The following NALF1 variants were observed in gnomAD, a reference collection of about 807,000 sequenced individuals.
NALF1 encodes the protein NALCN channel auxiliary factor 1, also known as family with sequence similarity 155 member A.
A neutral mutation model predicts 48.4 loss-of-function variants in NALF1; 3 were observed. The ratio of observed to expected loss-of-function variants is 0.06; its 90% CI spans 0.03 to 0.16. The LOEUF is 0.16. Ranked by LOEUF, NALF1 falls within the 10% of genes least tolerant of loss-of-function variation. The pLI is 1.00. For synonymous variants in NALF1, 262 were observed against 245.7 expected, an observed-to-expected ratio of 1.07 and a Z score of -0.62; for missense variants, 526 against 571.5, an observed-to-expected ratio of 0.92 and a Z score of 0.81.
intron 1 of NALF1, among the ~76,000 whole-genome samples, chr13:107,501,588 C>T (rs1594097467): frequency 6.6e-6 from 1 of 152,122 alleles, no homozygotes; most frequent in South Asian, 2.1e-4. Flanking sequence ...AATGTCCTCA[C>T]ACAATTTTAA....
chr13:107,539,264 A>C (rs1381753240), intron 1 of NALF1, among the ~76,000 whole-genome samples: 1 of 151,982 alleles, frequency 6.6e-6, no homozygotes, highest in African/African-American at 2.4e-5. Flanking sequence ...GGGTCATCCC[A>C]TGACAGAAGG....
rs116528955 is a variant in NALF1 at position 107,505,897 on chromosome 13, G to A, written c.916-295142C>T. 6.3e-3 allele frequency among the ~76,000 whole-genome samples: 962 copies of A among 152,172 alleles called. 15 individuals carry two copies. The highest frequency in any genetic ancestry group is 0.022 in the African/African-American group (924 of 41,544). ...TTTCCCACTATATTAAAAACTCGGT[G>A]GAGAGAGAACATCATCGGCAGAGTG... On this transcript the variant is annotated intron_variant, in intron 1 of 2. Transcript: ENST00000375915.
At chr13:107,698,538 T>C (rs1353466159) in intron 1 of NALF1, among the ~76,000 whole-genome samples, 1 of 152,150 alleles carries the variant, frequency 6.6e-6, no homozygotes, top group Non-Finnish European at 1.5e-5. Flanking sequence ...TTGCATTATA[T>C]ATAGATTTAC....
chr13:107,271,843 T>C (rs1881183480), intron 1 of NALF1, among the ~76,000 whole-genome samples: 1 of 146,308 alleles, frequency 6.8e-6, no homozygotes, highest in East Asian at 2.0e-4. Flanking sequence ...TACAAATATC[T>C]CACACTCCAA....
chr13:107,641,936 A>C (rs1288477626), intron 1 of NALF1, among the ~76,000 whole-genome samples: 1 of 152,160 alleles, frequency 6.6e-6, no homozygotes, highest in Non-Finnish European at 1.5e-5. Flanking sequence ...AAATCCAGAT[A>C]TCTCAGGGAT....
rs1298145745 is a variant in NALF1 at position 107,362,348 on chromosome 13, G to A, written c.916-151593C>T. Among the ~76,000 whole-genome samples, 1 of 152,178 alleles carries A rather than the reference G, an allele frequency of 6.6e-6. No homozygotes were observed. Among genetic ancestry groups the A allele is most frequent in the African/African-American group, 2.4e-5 (1 of 41,448 alleles). ...AAATGCATTGTCCAACAGTGCTGGA[G>A]GAGAACAGTCTGAAATCAAGGTGGT... On this transcript the variant is annotated intron_variant, in intron 1 of 2. Coordinates refer to ENST00000375915, the MANE Select transcript of NALF1 (RefSeq NM_001080396.3). The surrounding 1 kb of genome is among the most constrained non-coding windows in gnomAD (Gnocchi z 4.6).
chr13:107,390,143 G>A (rs1883598919), intron 1 of NALF1, among the ~76,000 whole-genome samples: 1 of 152,052 alleles, frequency 6.6e-6, no homozygotes, highest in African/African-American at 2.4e-5. Context: ...GCTGACAGGG[G>A]CAGATCGCTT....
intron 1 of NALF1, among the ~76,000 whole-genome samples, chr13:107,633,427 C>G (rs1462349334): frequency 6.6e-6 from 1 of 151,920 alleles, no homozygotes; most frequent in African/African-American, 2.4e-5. Flanking sequence ...TCATTTCAAG[C>G]TCAGTTTTTC....
At position 107,272,499 on chromosome 13, in the gene NALF1, C is replaced by T. The variant is rs866215147; in HGVS notation, c.916-61744G>A. Among the ~76,000 whole-genome samples, 40 of 15,182 alleles carry T rather than the reference C, an allele frequency of 2.6e-3. 16 individuals are homozygous for T. The highest frequency in any genetic ancestry group is 4.7e-3 in the African/African-American group (38 of 8,050). The allele number at this position is 15,182 out of a possible 152,430, so 10.0% of individuals were successfully genotyped here. A position where few individuals can be genotyped will look rare whatever the true frequency, so the allele number is the denominator to read the frequency against. On this transcript the variant is annotated intron_variant, in intron 1 of 2. Transcript: ENST00000375915. ...AAAGTGCTGGGATTACAGGCGTGAG[C>T]CACCGCGCCCGGCCTAGAATTTTTT...
chr13:107,822,271 C>T (rs866056451), intron 1 of NALF1, among the ~76,000 whole-genome samples: 20 of 152,014 alleles, frequency 1.3e-4, no homozygotes, highest in Admixed American at 5.9e-4. Context: ...TGGAGCTACA[C>T]CATCCCTCCA....
chr13:107,218,909 G>T (rs1879934119), intron 1 of NALF1, among the ~76,000 whole-genome samples: 1 of 152,172 alleles, frequency 6.6e-6, no homozygotes, highest in Non-Finnish European at 1.5e-5. Flanking sequence ...GAGCAGAGAG[G>T]TTATACTAAT....
intron 1 of NALF1, among the ~76,000 whole-genome samples, chr13:107,678,729 G>A (rs945693802): frequency 6.6e-6 from 1 of 152,158 alleles, no homozygotes; most frequent in Admixed American, 6.5e-5. Flanking sequence ...TTCACAACGG[G>A]GCAGGAAGGA....
Position 107,581,301 on chromosome 13 carries a change from A to G in NALF1, c.915+284381T>C, listed in dbSNP as rs570740093. Among the ~76,000 whole-genome samples the G allele has an allele frequency of 1.6e-4, 24 of 152,304 alleles. No homozygotes were observed. In the South Asian group the frequency reaches 4.6e-3, roughly 29 times the overall value. On this transcript the variant is annotated intron_variant, in intron 1 of 2. Coordinates refer to ENST00000375915, the MANE Select transcript of NALF1 (RefSeq NM_001080396.3). ...CAAAAAAGTAACACCATTAAGGACCAGAACAGGGGGAACAGAATCAACAAA... is the reference window on the plus strand; with the variant it reads ...CAAAAAAGTAACACCATTAAGGACCGGAACAGGGGGAACAGAATCAACAAA...
At chr13:107,728,464 T>C (rs569029194) in intron 1 of NALF1, among the ~76,000 whole-genome samples, 1 of 151,568 alleles carries the variant, frequency 6.6e-6, no homozygotes, top group East Asian at 1.9e-4. Flanking sequence ...TTCTCACTCA[T>C]ACGTGGGAGT....
At chr13:107,263,910 G>A (rs145641850) in intron 1 of NALF1, among the ~76,000 whole-genome samples, 8 of 152,216 alleles carry the variant, frequency 5.3e-5, no homozygotes, top group African/African-American at 1.9e-4. Context: ...CTGCCTAATT[G>A]ATACACACAG....
chr13:107,652,730 C>T (rs1185537985), intron 1 of NALF1, among the ~76,000 whole-genome samples: 1 of 152,194 alleles, frequency 6.6e-6, no homozygotes, highest in Non-Finnish European at 1.5e-5. Context: ...TAGGCATGGG[C>T]TGTTTCAACT....
intron 1 of NALF1, among the ~76,000 whole-genome samples, chr13:107,470,684 T>C (rs779738908): frequency 3.8e-4 from 58 of 152,206 alleles, no homozygotes; most frequent in Non-Finnish European, 6.6e-4. Context: ...ATGAATTGTT[T>C]TACATGCAGT....
intron 1 of NALF1, among the ~76,000 whole-genome samples, chr13:107,620,018 C>G (rs1371713633): frequency 1.3e-5 from 2 of 152,140 alleles, no homozygotes; most frequent in African/African-American, 4.8e-5. Flanking sequence ...ATTATGTAAT[C>G]TGTCACATAT....
chr13:107,402,774 T>G (rs1042391062), intron 1 of NALF1, among the ~76,000 whole-genome samples: 1 of 152,128 alleles, frequency 6.6e-6, no homozygotes, highest in African/African-American at 2.4e-5. Flanking sequence ...CGGGATTACA[T>G]TATTATTACT....
Sources: gnomAD v4.1 joint callset for allele counts (sites outside exome capture counted in the v4.1 genomes callset) on GRCh38, gnomAD v4.1.1 for gene constraint, Gnocchi (gnomAD v3.1) non-coding constraint, MANE v1.5 for transcripts, NCBI Gene and HGNC (gene_info 2026-07-23, HGNC 2026-07-21) for gene names.